TECRL: variants seen among roughly 807,000 people sequenced by gnomAD.
The protein encoded by TECRL is trans-2,3-enoyl-CoA reductase-like.
Under a neutral mutation model 52.8 loss-of-function variants are expected in TECRL, and 63 were observed. That is an observed-to-expected ratio of 1.19 (90% CI 0.97 to 1.47). The LOEUF (loss-of-function observed/expected upper bound fraction) is 1.47, where lower values mean the gene tolerates loss of function less well. TECRL is among the 40% of genes most tolerant of loss of function. TECRL has a pLI of 0.00. For synonymous variants in TECRL, 164 were observed against 141.9 expected (o/e 1.16, Z -1.10); for missense variants, 482 against 429.6 (o/e 1.12, Z -1.08).
intron 2 of TECRL, among the ~76,000 whole-genome samples, chr4:64,355,711 C>T (rs1218479950): frequency 2.7e-5 from 4 of 146,514 alleles, no homozygotes; most frequent in Non-Finnish European, 5.9e-5. Context: ...CTGAGAATGG[C>T]GTGAAGCTGG....
chr4:64,322,849 A>T, intron 3 of TECRL, 57 bp from the exon 4 acceptor site: 1 of 1,295,394 alleles, frequency 7.7e-7, no homozygotes, highest in Non-Finnish European at 1.1e-6. Context: ...GCATAACGAT[A>T]AAGAATTTCT....
chr4:64,375,931 T>G (rs1232990790), intron 1 of TECRL, among the ~76,000 whole-genome samples: 1 of 151,906 alleles, frequency 6.6e-6, no homozygotes, highest in Non-Finnish European at 1.5e-5. Flanking sequence ...TTTTCTGAAT[T>G]TGTCTCAAAA....
intron 2 of TECRL, among the ~76,000 whole-genome samples, chr4:64,374,548 C>T (rs1424950459): frequency 2.6e-5 from 4 of 151,966 alleles, no homozygotes; most frequent in South Asian, 4.1e-4. Context: ...TCTCCTAATG[C>T]TATCCCTCCC....
At chr4:64,375,110 A>T in intron 2 of TECRL, 62 bp downstream of exon 2, 1 of 880,690 alleles carries the variant, frequency 1.1e-6, no homozygotes, top group Non-Finnish European at 1.7e-6. Context: ...TTATAGAAAA[A>T]TTTAAACCTA....
At chr4:64,347,282 C>A (rs1720057227) in intron 2 of TECRL, among the ~76,000 whole-genome samples, 1 of 152,108 alleles carries the variant, frequency 6.6e-6, no homozygotes. Flanking sequence ...AGTAAATGGC[C>A]ATATCCTCAA....
At chr4:64,308,355 T>C (rs1046512398) in intron 6 of TECRL, among the ~76,000 whole-genome samples, 2 of 152,130 alleles carry the variant, frequency 1.3e-5, no homozygotes, top group Admixed American at 1.3e-4. Flanking sequence ...GAACTCATAG[T>C]GCCATTAGCA....
chr4:64,276,739 T>C (rs1722588873), downstream of TECRL: 1 of 217,674 alleles, frequency 4.6e-6, no homozygotes, highest in South Asian at 1.8e-4. Context: ...TATAGATTTG[T>C]TTTATATTAA....
chr4:64,408,124 C>T (rs989290911), intron 1 of TECRL, among the ~76,000 whole-genome samples: 2 of 151,582 alleles, frequency 1.3e-5, no homozygotes, highest in African/African-American at 2.4e-5. Context: ...ATAAACTGCT[C>T]ATAGTGTTAT....
chr4:64,403,000 C>T (rs1024238412), intron 1 of TECRL, among the ~76,000 whole-genome samples: 1 of 152,006 alleles, frequency 6.6e-6, no homozygotes, highest in South Asian at 2.1e-4. Context: ...GCTTCTTAGC[C>T]ATATTTGACA....
chr4:64,391,538 C>G (rs185111130), intron 1 of TECRL, among the ~76,000 whole-genome samples: 5 of 151,818 alleles, frequency 3.3e-5, no homozygotes, highest in Non-Finnish European at 7.4e-5. Flanking sequence ...AGAATCTTTA[C>G]GTCAACTGTG....
At chr4:64,380,931 A>G (rs1385753902) in intron 1 of TECRL, among the ~76,000 whole-genome samples, 2 of 152,082 alleles carry the variant, frequency 1.3e-5, no homozygotes, top group Non-Finnish European at 2.9e-5. Context: ...TTTGTAAAGA[A>G]CGTCATTGGT....
chr4:64,299,465 T>G (rs966142503), intron 8 of TECRL, among the ~76,000 whole-genome samples: 8 of 151,312 alleles, frequency 5.3e-5, no homozygotes, highest in Non-Finnish European at 8.9e-5. Context: ...AAGAGTCTTG[T>G]GTACCCAGAT....
chr4:64,373,611 T>G (rs150699707), intron 2 of TECRL, among the ~76,000 whole-genome samples: 242 of 151,856 alleles, frequency 1.6e-3, no homozygotes, highest in African/African-American at 5.5e-3. Context: ...ACACATAAAC[T>G]CGACTTTGAT....
At chr4:64,299,327 G>T (rs1189242655) in intron 8 of TECRL, 1 of 150,972 alleles carries the variant, frequency 6.6e-6, no homozygotes, top group African/African-American at 2.4e-5. Context: ...AATCATAGGA[G>T]TTAACTAATT....
intron 7 of TECRL, 27 bp from the exon 8 acceptor site, chr4:64,300,044 T>G (rs1256524561): frequency 6.5e-7 from 1 of 1,536,436 alleles, no homozygotes; most frequent in Non-Finnish European, 8.8e-7. Context: ...GAATATGTCA[T>G]GCAGATACTC....
At chr4:64,349,031 T>G (rs895970337) in intron 2 of TECRL, among the ~76,000 whole-genome samples, 4 of 147,196 alleles carry the variant, frequency 2.7e-5, no homozygotes, top group Non-Finnish European at 5.9e-5. Context: ...TGTGTTTAAA[T>G]GTAATTCCTT....
intron 2 of TECRL, among the ~76,000 whole-genome samples, chr4:64,371,930 T>G (rs928357606): frequency 1.3e-5 from 2 of 151,828 alleles, no homozygotes; most frequent in Non-Finnish European, 3.0e-5. Context: ...ACGATAGAAA[T>G]AGAGTGGTAT....
chr4:64,312,967 G>T (rs1442967191), intron 5 of TECRL, among the ~76,000 whole-genome samples: 1 of 152,144 alleles, frequency 6.6e-6, no homozygotes. Context: ...AAAATGTGAA[G>T]AAGTACCTTC....
chr4:64,394,000 A>G (rs2109755718), intron 1 of TECRL, among the ~76,000 whole-genome samples: 1 of 152,228 alleles, frequency 6.6e-6, no homozygotes, highest in African/African-American at 2.4e-5. Flanking sequence ...GGAGTAAGAA[A>G]ATTTGATAAG....
Sources: gnomAD v4.1 joint callset for allele counts (sites outside exome capture counted in the v4.1 genomes callset) on GRCh38, gnomAD v4.1.1 for gene constraint, MANE v1.5 for transcripts, NCBI Gene and HGNC (gene_info 2026-07-23, HGNC 2026-07-21) for gene names.